DNAAF5: variants seen among roughly 807,000 people sequenced by gnomAD.
DNAAF5 encodes dynein axonemal assembly factor 5.
DNAAF5 carries 64 observed loss-of-function variants against 75.8 expected under a neutral mutation model. That is an observed-to-expected ratio of 0.84 (90% confidence interval 0.69 to 1.04). The LOEUF (loss-of-function observed/expected upper bound fraction) is 1.04. DNAAF5 is among the 50% of genes least tolerant of loss of function. DNAAF5 has a pLI of 0.00. For synonymous variants in DNAAF5, 657 were observed against 557.2 expected (o/e 1.18, Z -2.52); for missense variants, 1,269 against 1,178.5 (o/e 1.08, Z -1.12).
At position 781,194 on chromosome 7, in the gene DNAAF5, G is replaced by C. The variant is rs138755671; in HGVS notation, c.2431+1050G>C. Among the ~76,000 whole-genome samples the C allele has an allele frequency of 1.1e-3, 172 of 152,252 alleles. 1 individual carries two copies. The highest frequency in any genetic ancestry group is 3.9e-3 in the African/African-American group (161 of 41,528). On this transcript the variant is annotated intron_variant, in intron 12 of 12. Transcript: ENST00000297440. Reference sequence around the variant, plus strand: ...TCCCCCGGCCCCATTCCTCTTCCGAGCCTCTGGGAGCCATCCTTCTGCTCT... The same window carrying C: ...TCCCCCGGCCCCATTCCTCTTCCGACCCTCTGGGAGCCATCCTTCTGCTCT...
At chr7:783,016 G>C (rs969560947) in intron 12 of DNAAF5, among the ~76,000 whole-genome samples, 1 of 152,270 alleles carries the variant, frequency 6.6e-6, no homozygotes, top group Non-Finnish European at 1.5e-5. Flanking sequence ...AGGCTCAGAA[G>C]AGTCCGGCTT....
intron 4 of DNAAF5, among the ~76,000 whole-genome samples, chr7:745,569 G>C (rs920777714): frequency 2.0e-4 from 31 of 151,882 alleles, no homozygotes; most frequent in Non-Finnish European, 4.4e-4. Context: ...CCTCGCACAT[G>C]TGCACACCCA....
intron 6 of DNAAF5, among the ~76,000 whole-genome samples, chr7:761,385 C>T (rs1455747023): frequency 1.3e-5 from 2 of 152,274 alleles, no homozygotes; most frequent in East Asian, 1.9e-4. Context: ...ATTCTCATGT[C>T]GCTAATAAAG....
chr7:780,922 A>AG (rs5881883), intron 12 of DNAAF5, among the ~76,000 whole-genome samples: 54,414 of 150,296 alleles, frequency 0.36, 9,975 homozygotes, highest in South Asian at 0.46. Context: ...GTGGGTACAC[A>AG]TAGGTGTATA....
At chr7:769,197 C>T (rs548477487) in intron 8 of DNAAF5, 5 of 773,790 alleles carry the variant, frequency 6.5e-6, no homozygotes, top group East Asian at 4.9e-5. Flanking sequence ...TCCCCAGCAA[C>T]GGCTCAAGGT....
At chr7:745,481 C>T (rs1445227464) in intron 4 of DNAAF5, among the ~76,000 whole-genome samples, 1 of 152,232 alleles carries the variant, frequency 6.6e-6, no homozygotes, top group African/African-American at 2.4e-5. Context: ...CACCTGTGCA[C>T]ACATGTACAT....
At chr7:782,339 C>T (rs1190546462) in intron 12 of DNAAF5, among the ~76,000 whole-genome samples, 1 of 151,448 alleles carries the variant, frequency 6.6e-6, no homozygotes, top group Non-Finnish European at 1.5e-5. Flanking sequence ...GTCAGAAACT[C>T]GGCTCTTCGC....
chr7:761,715 T>C, intron 6 of DNAAF5, 38 bp from the exon 7 acceptor site: 3 of 1,566,368 alleles, frequency 1.9e-6, no homozygotes, highest in Non-Finnish European at 2.6e-6. Flanking sequence ...CACGACCAAA[T>C]TGTACCAAGC....
chr7:769,657 G>A (rs1453010991), intron 8 of DNAAF5, among the ~76,000 whole-genome samples: 1 of 152,246 alleles, frequency 6.6e-6, no homozygotes, highest in Non-Finnish European at 1.5e-5. Flanking sequence ...AAGAAAAATG[G>A]AAGGTTGTTT....
At chr7:767,208 C>T (rs917972983) in intron 8 of DNAAF5, among the ~76,000 whole-genome samples, 1 of 139,590 alleles carries the variant, frequency 7.2e-6, no homozygotes, top group Non-Finnish European at 1.5e-5. Context: ...CACTGCCCTC[C>T]AGCCTAGGCG....
chr7:770,654 T>C, intron 9 of DNAAF5, 36 bp downstream of exon 9: 1 of 1,600,268 alleles, frequency 6.2e-7, no homozygotes, highest in African/African-American at 1.3e-5. Context: ...GGCCCCCAGC[T>C]GGGGCCTGGG....
At chr7:751,719 C>G (rs1010348292) in intron 4 of DNAAF5, among the ~76,000 whole-genome samples, 1 of 151,834 alleles carries the variant, frequency 6.6e-6, no homozygotes, top group Non-Finnish European at 1.5e-5. Flanking sequence ...ATTACAGGCG[C>G]TCGCCAGCAC....
intron 2 of DNAAF5, chr7:732,592 T>G (rs1373137804): frequency 2.2e-6 from 1 of 455,994 alleles, no homozygotes; most frequent in African/African-American, 2.0e-5. Flanking sequence ...CAGAGATGAG[T>G]GTTTGTCACG....
At position 761,857 on chromosome 7, in the gene DNAAF5, A is replaced by C. The variant is rs754710920; in HGVS notation, c.1575A>C (p.Thr525=). The C allele has an allele frequency of 3.1e-6, 5 of 1,592,982 alleles. No homozygotes were observed. Among genetic ancestry groups the C allele is most frequent in the Admixed American group, 1.8e-5 (1 of 57,006 alleles). ...ASLQLLDVLL[T]IVALAGATGL... is the part of the protein sequence containing the mutation. ...TGCAGCTCTTGGACGTGCTGCTGAC[A>C]ATAGTGGCCCTCGCAGGTGCTACCG... is the stretch of plus-strand genomic sequence containing the variant. The change falls in exon 7 of 13, where the codon ACA becomes ACC. Residue 525 remains threonine (T), a synonymous_variant. Transcript: ENST00000297440.
At chr7:764,173 G>A (rs897171038) in intron 8 of DNAAF5, among the ~76,000 whole-genome samples, 199 bp downstream of exon 8, 1 of 152,262 alleles carries the variant, frequency 6.6e-6, no homozygotes, top group African/African-American at 2.4e-5. Context: ...ACTGTGGGAC[G>A]CAGCTCTTCC....
At chr7:746,007 C>A (rs547041765) in intron 4 of DNAAF5, among the ~76,000 whole-genome samples, 5 of 152,058 alleles carry the variant, frequency 3.3e-5, no homozygotes, top group Non-Finnish European at 5.9e-5. Flanking sequence ...GAATGACAGT[C>A]AGTCAGTCGC....
At chr7:734,799 GGTCATAT>G (rs1222953581) in intron 2 of DNAAF5, among the ~76,000 whole-genome samples, 1 of 152,308 alleles carries the variant, frequency 6.6e-6, no homozygotes, top group African/African-American at 2.4e-5. Flanking sequence ...AATCTGTGTA[GGTCATAT>G]GTGTCTAGGA....
In DNAAF5 at chr7:782,837, C is replaced by T. The variant is rs144238443; in HGVS notation, c.2432-2680C>T. On this transcript the variant is annotated intron_variant, in intron 12 of 12. Coordinates refer to ENST00000297440, the MANE Select transcript of DNAAF5 (RefSeq NM_017802.4). ...CCTGCCATGGCCACCTCCCATCCGG[C>T]GGCATCAGAAACTCGGACCTTCCTG... Among the ~76,000 whole-genome samples the T allele has an allele frequency of 4.9e-3, 744 of 151,284 alleles. 2 individuals carry two copies. The highest frequency in any genetic ancestry group is 0.01 in the Middle Eastern group (3 of 292).
intron 12 of DNAAF5, among the ~76,000 whole-genome samples, chr7:782,098 C>T (rs768738234): frequency 2.0e-5 from 3 of 150,898 alleles, no homozygotes; most frequent in Admixed American, 6.6e-5. Context: ...TCCGGTTATG[C>T]GATGTCGGAT....
Sources: gnomAD v4.1 joint callset for allele counts (sites outside exome capture counted in the v4.1 genomes callset) on GRCh38, gnomAD v4.1.1 for gene constraint, MANE v1.5 for transcripts, NCBI Gene and HGNC (gene_info 2026-07-23, HGNC 2026-07-21) for gene names.